DGKD: variants seen among roughly 807,000 people sequenced by gnomAD.
DGKD encodes diacylglycerol kinase delta, also known as DAG kinase delta.
Under a neutral mutation model 154.4 loss-of-function variants are expected in DGKD, and 68 were observed. The ratio of observed to expected loss-of-function variants is 0.44; its 90% CI spans 0.36 to 0.54. The LOEUF (loss-of-function observed/expected upper bound fraction) is 0.54, where lower values mean the gene tolerates loss of function less well. DGKD is among the 20% of genes least tolerant of loss of function. DGKD has a pLI of 0.00. For synonymous variants in DGKD, 693 were observed against 638.0 expected, an observed-to-expected ratio of 1.09 and a Z score of -1.30; for missense variants, 1,343 against 1,593.6, an observed-to-expected ratio of 0.84 and a Z score of 2.68.
Position 233,434,766 on chromosome 2 carries a change from C to G in DGKD, c.454-3C>G, listed in dbSNP as rs1231128097. 6.2e-7 allele frequency: 1 copy of G among 1,600,846 alleles called. No homozygotes were observed. The highest frequency in any genetic ancestry group is 1.8e-5 in the Admixed American group (1 of 56,202). On this transcript the variant is annotated splice_polypyrimidine_tract_variant and splice_region_variant and intron_variant, in intron 4 of 29. Transcript: ENST00000264057. ...CTTTGCCCTCTTGGTTTCGTTCTTC[C>G]AGCCCACCCAGTACAGCATGGACCA...
In DGKD at chr2:233,462,711, G is replaced by T. The variant is rs1233126728; in HGVS notation, c.3162G>T (p.Leu1054=). ...NFRALRSETE[L]LLSGKMALQL... Reference sequence around the variant, plus strand: ...GAGCTCTGCGCAGTGAGACGGAGCTGCTGCTGTCTGGGAAGATGGCCCTGG... The same window carrying T: ...GAGCTCTGCGCAGTGAGACGGAGCTTCTGCTGTCTGGGAAGATGGCCCTGG... The change falls in exon 26 of 30, where the codon CTG becomes CTT. Residue 1054 remains leucine (L), a synonymous_variant. Coordinates refer to ENST00000264057, the MANE Select transcript of DGKD (RefSeq NM_152879.3). 2.5e-6 allele frequency: 4 copies of T among 1,613,800 alleles called. No homozygotes were observed. Among genetic ancestry groups the T allele is most frequent in the Non-Finnish European group, 3.4e-6 (4 of 1,179,992 alleles).
At chr2:233,428,215 G>C (rs536076636) in intron 3 of DGKD, among the ~76,000 whole-genome samples, 1 of 152,286 alleles carries the variant, frequency 6.6e-6, no homozygotes, top group South Asian at 2.1e-4. Context: ...GGTGTGCTGA[G>C]AAGATGGAGG....
At position 233,459,642 on chromosome 2, in the gene DGKD, T is replaced by C; in HGVS notation, c.2695-115T>C. The C allele has an allele frequency of 1.4e-6, 2 of 1,391,758 alleles. No individual in the cohort carries two copies. The highest frequency in any genetic ancestry group is 1.9e-6 in the Non-Finnish European group (2 of 1,030,624). The allele number at this position is 1,391,758 out of a possible 1,614,324, so 86.2% of individuals were successfully genotyped here. A position where few individuals can be genotyped will look rare whatever the true frequency, so the allele number is the denominator to read the frequency against. Reference sequence around the variant, plus strand: ...CCATCCCAGAGGCAGAGGTGGGGTGTCCTGCAAGGCAGGGACGGGTGTGTG... The same window carrying C: ...CCATCCCAGAGGCAGAGGTGGGGTGCCCTGCAAGGCAGGGACGGGTGTGTG... On this transcript the variant is annotated intron_variant, in intron 22 of 29. Transcript: ENST00000264057. This position sits in a 1 kb window ranked among gnomAD's most constrained non-coding sequence, Gnocchi z 5.7.
At chr2:233,377,401 A>G (rs1304943363) in intron 1 of DGKD, among the ~76,000 whole-genome samples, 1 of 152,098 alleles carries the variant, frequency 6.6e-6, no homozygotes, top group Non-Finnish European at 1.5e-5. Flanking sequence ...AGCATGTTCT[A>G]TGCATGTTCT....
At chr2:233,448,663 G>T (rs1157520069) in intron 14 of DGKD, among the ~76,000 whole-genome samples, 1 of 152,190 alleles carries the variant, frequency 6.6e-6, no homozygotes, top group Non-Finnish European at 1.5e-5. Flanking sequence ...TATCCCATTG[G>T]CCACTTCATG....
In DGKD at chr2:233,449,435, G is replaced by A. The variant is rs1233026450; in HGVS notation, c.1888+59G>A. 13 of 1,537,656 alleles carry A rather than the reference G, an allele frequency of 8.5e-6. No homozygotes were observed. The highest frequency in any genetic ancestry group is 6.2e-5 in the South Asian group (5 of 81,124). On this transcript the variant is annotated intron_variant, in intron 15 of 29. Coordinates refer to ENST00000264057, the MANE Select transcript of DGKD (RefSeq NM_152879.3). This position sits in a 1 kb window ranked among gnomAD's most constrained non-coding sequence, Gnocchi z 5.3. ...CAGGCCAGCACTGGGCATGCCCAGCGTCCCCTGAACACGGAGATGACAGAA... is the reference window on the plus strand; with the variant it reads ...CAGGCCAGCACTGGGCATGCCCAGCATCCCCTGAACACGGAGATGACAGAA...
intron 4 of DGKD, 54 bp downstream of exon 4, chr2:233,434,538 A>G: frequency 1.3e-6 from 2 of 1,545,260 alleles, no homozygotes; most frequent in South Asian, 1.1e-5. Context: ...CCCTCACCCC[A>G]GTGTCTGCTG....
chr2:233,448,869 C>T lies in DGKD; in HGVS notation c.1615-234C>T, dbSNP rs546227277. 3.3e-4 allele frequency among the ~76,000 whole-genome samples: 51 copies of T among 152,346 alleles called. No homozygotes were observed. In the South Asian group the frequency reaches 0.01, roughly 30 times the overall value. The stretch of plus-strand genomic sequence containing the variant: ...TGCAGACTAAGACTCAGCTCGCAAT[C>T]AGTATGGTTGGTTGTGGACAGCCAA... On this transcript the variant is annotated intron_variant, in intron 14 of 29. Transcript: ENST00000264057.
chr2:233,435,031 G>A (rs1575113331), intron 5 of DGKD, 130 bp downstream of exon 5: 12 of 1,232,770 alleles, frequency 9.7e-6, no homozygotes, highest in South Asian at 1.7e-5. Flanking sequence ...AGGGCACAGC[G>A]ATTTCTGTGA....
intron 3 of DGKD, among the ~76,000 whole-genome samples, chr2:233,391,414 C>T (rs963100475): frequency 6.6e-6 from 1 of 151,812 alleles, no homozygotes; most frequent in East Asian, 1.9e-4. Context: ...GTTTTTTTCC[C>T]CCCCCAGGAC....
intron 3 of DGKD, among the ~76,000 whole-genome samples, chr2:233,395,976 C>T (rs1181641252): frequency 6.6e-6 from 1 of 152,066 alleles, no homozygotes; most frequent in Admixed American, 6.6e-5. Flanking sequence ...AGCTCTTATT[C>T]GATTCATACC....
rs1400973080 is a variant in DGKD at position 233,429,372 on chromosome 2, G to T, written c.349-5008G>T. On this transcript the variant is annotated intron_variant, in intron 3 of 29. Coordinates refer to ENST00000264057, the MANE Select transcript of DGKD (RefSeq NM_152879.3). ...GTTCAAATATTAAAACTCACCCAGG[G>T]TGAACAGTTCGGGACGTGTGCTCAG... The T allele has an allele frequency of 4.1e-6, 4 of 969,382 alleles. No homozygotes were observed. In the African/African-American group the frequency reaches 7.1e-5, roughly 17 times the overall value. 60.0% of individuals were successfully genotyped at this position (969,382 alleles called of 1,614,324 possible). A position where few individuals can be genotyped will look rare whatever the true frequency, so the allele number is the denominator to read the frequency against.
chr2:233,402,649 G>A lies in DGKD; in HGVS notation c.348+12166G>A, dbSNP rs148767815. Among the ~76,000 whole-genome samples, 365 of 152,278 alleles carry A rather than the reference G, an allele frequency of 2.4e-3. 9 individuals carry two copies. The East Asian group carries it at 0.063, about 26-fold the overall frequency. ...TTTTACAATTTCCCAGCTCATGTCC[G>A]GCCGGCAGCTTGGGGACAAGGTTAG... On this transcript the variant is annotated intron_variant, in intron 3 of 29. Coordinates refer to ENST00000264057, the MANE Select transcript of DGKD (RefSeq NM_152879.3).
At chr2:233,455,008 G>A in intron 19 of DGKD, 135 bp downstream of exon 19, 1 of 593,162 alleles carries the variant, frequency 1.7e-6, no homozygotes. Flanking sequence ...ATGGAGCCCA[G>A]ATCGCCTTGT....
At chr2:233,411,796 T>A (rs1245993686) in intron 3 of DGKD, among the ~76,000 whole-genome samples, 1 of 152,172 alleles carries the variant, frequency 6.6e-6, no homozygotes, top group Non-Finnish European at 1.5e-5. Flanking sequence ...GTTTTACAGT[T>A]GGGATTATTA....
chr2:233,424,700 A>G (rs1468742604), intron 3 of DGKD, among the ~76,000 whole-genome samples: 2 of 152,194 alleles, frequency 1.3e-5, no homozygotes, highest in African/African-American at 4.8e-5. Context: ...TGTCCTGGCC[A>G]CATCAGCTCA....
chr2:233,462,782 C>T (rs755210651), intron 26 of DGKD, 47 bp downstream of exon 26: 11 of 1,527,752 alleles, frequency 7.2e-6, no homozygotes, highest in Middle Eastern at 1.7e-4. Context: ...GTGTGTGAAA[C>T]GACTGCTGTC....
chr2:233,457,898 A>T lies in DGKD; in HGVS notation c.2581-386A>T. 1 of 301,278 alleles carries T rather than the reference A, an allele frequency of 3.3e-6. No individual in the cohort carries two copies. Among genetic ancestry groups the T allele is most frequent in the South Asian group, 3.4e-5 (1 of 29,736 alleles). The allele number at this position is 301,278 out of a possible 1,614,324, so 18.7% of individuals were successfully genotyped here. ...GTTGATAGGTTTAAACCTGGTTTAAACCTTCCTTTGTACGTAATAGCGAAT... is the reference window on the plus strand; with the variant it reads ...GTTGATAGGTTTAAACCTGGTTTAATCCTTCCTTTGTACGTAATAGCGAAT... On this transcript the variant is annotated intron_variant, in intron 21 of 29. Transcript: ENST00000264057. The surrounding 1 kb of genome is among the most constrained non-coding windows in gnomAD (Gnocchi z 5.5).
At chr2:233,447,191 A>C in intron 12 of DGKD, among the ~76,000 whole-genome samples, 1 of 73,476 alleles carries the variant, frequency 1.4e-5, no homozygotes, top group African/African-American at 1.1e-4. Flanking sequence ...GCTCTCCCCT[A>C]GCCCCCCGGC....
Sources: gnomAD v4.1 joint callset for allele counts (sites outside exome capture counted in the v4.1 genomes callset) on GRCh38, gnomAD v4.1.1 for gene constraint, Gnocchi (gnomAD v3.1) non-coding constraint, MANE v1.5 for transcripts, NCBI Gene and HGNC (gene_info 2026-07-23, HGNC 2026-07-21) for gene names.